TENM3: variants seen among roughly 807,000 people sequenced by gnomAD.
The protein encoded by TENM3 is teneurin-3.
In TENM3, 63 loss-of-function variants were observed where a neutral mutation model predicts 255.1. That is an observed-to-expected ratio of 0.25 (90% CI 0.20 to 0.30). The LOEUF (loss-of-function observed/expected upper bound fraction) is 0.30. TENM3 is among the 10% of genes least tolerant of loss of function. TENM3 has a pLI of 1.00. For missense variants in TENM3, 2,929 were observed against 3,461.1 expected, an observed-to-expected ratio of 0.85 and a Z score of 3.86; for synonymous variants, 1,306 against 1,322.3, an observed-to-expected ratio of 0.99 and a Z score of 0.27.
the TENM3 span, among the ~76,000 whole-genome samples, chr4:181,969,300 C>T: frequency 6.6e-6 from 1 of 152,096 alleles, no homozygotes; most frequent in East Asian, 1.9e-4. Context: ...CTGAAAAACA[C>T]TTTGAACCTT....
intron 1 of TENM3, among the ~76,000 whole-genome samples, chr4:182,195,037 A>T (rs994023919): frequency 1.3e-4 from 19 of 142,640 alleles, no homozygotes; most frequent in Admixed American, 6.3e-4. Context: ...ACACACACAC[A>T]CACACACACA....
the TENM3 span, among the ~76,000 whole-genome samples, chr4:181,854,654 G>A: frequency 6.6e-6 from 1 of 152,190 alleles, no homozygotes; most frequent in Non-Finnish European, 1.5e-5. Context: ...ACTTGGTAGT[G>A]TTCCATTACT....
chr4:182,382,749 C>A (rs1047008532), intron 3 of TENM3, among the ~76,000 whole-genome samples: 1 of 152,140 alleles, frequency 6.6e-6, no homozygotes, highest in Non-Finnish European at 1.5e-5. Context: ...AAGCCATAGG[C>A]CCCAAATTCC....
chr4:182,059,550 T>C, the TENM3 span, among the ~76,000 whole-genome samples: 1 of 151,846 alleles, frequency 6.6e-6, no homozygotes. Flanking sequence ...AGATACTGCA[T>C]ACAAATGCAC....
At position 182,753,567 on chromosome 4, in the gene TENM3, G is replaced by A; in HGVS notation, c.3980G>A (p.Arg1327Lys). 1 of 1,613,928 alleles carries A rather than the reference G, an allele frequency of 6.2e-7. No homozygotes were observed. The highest frequency in any genetic ancestry group is 8.5e-7 in the Non-Finnish European group (1 of 1,179,870). The change falls in exon 21 of 28, where the codon AGA (arginine) becomes AAA (lysine). Residue 1327 changes from arginine to lysine, a missense_variant. Arg to Lys is a conservative substitution (Grantham distance 26, BLOSUM62 2). Transcript: ENST00000511685. ...LLGSNDLTSA[R>K]PLTCDTSMHI... ...GGCTCTAACGATTTGACTTCAGCCA[G>A]ACCTTTAACTTGTGACACCAGCATG... is the stretch of plus-strand genomic sequence containing the variant.
At chr4:182,281,133 C>T (rs1760359317) in intron 1 of TENM3, among the ~76,000 whole-genome samples, 1 of 152,080 alleles carries the variant, frequency 6.6e-6, no homozygotes. Flanking sequence ...AGTTGTAAAG[C>T]TATCATTTTT....
chr4:181,502,997 T>C, the TENM3 span, among the ~76,000 whole-genome samples: 592 of 152,284 alleles, frequency 3.9e-3, 2 homozygotes, highest in African/African-American at 0.014. Context: ...CATTTACAGC[T>C]TCCCTTCTCT....
At chr4:182,588,887 A>G (rs1242692730) in intron 3 of TENM3, among the ~76,000 whole-genome samples, 1 of 152,192 alleles carries the variant, frequency 6.6e-6, no homozygotes, top group Non-Finnish European at 1.5e-5. Flanking sequence ...AGTGCTTGAC[A>G]TTTAGATTAA....
chr4:181,848,981 C>G, the TENM3 span, among the ~76,000 whole-genome samples: 2 of 152,140 alleles, frequency 1.3e-5, no homozygotes, highest in Non-Finnish European at 2.9e-5. Flanking sequence ...ATGTATAGAA[C>G]AACCCACACA....
chr4:182,390,906 C>T (rs540970900), intron 3 of TENM3, among the ~76,000 whole-genome samples: 5 of 152,238 alleles, frequency 3.3e-5, no homozygotes, highest in African/African-American at 9.6e-5. Context: ...ATGATGTCCA[C>T]GGCAGGGTTA....
chr4:181,635,188 G>C, the TENM3 span, among the ~76,000 whole-genome samples: 1 of 152,122 alleles, frequency 6.6e-6, no homozygotes, highest in Non-Finnish European at 1.5e-5. Context: ...AAACGAGAAA[G>C]TTGAAAAATG....
chr4:181,695,959 CTT>C, the TENM3 span, among the ~76,000 whole-genome samples: 1 of 151,502 alleles, frequency 6.6e-6, no homozygotes, highest in Non-Finnish European at 1.5e-5. Flanking sequence ...TAAAACAGCA[CTT>C]CCATGCAAGT....
chr4:182,452,063 G>A (rs895622514), intron 3 of TENM3, among the ~76,000 whole-genome samples: 2 of 152,016 alleles, frequency 1.3e-5, no homozygotes, highest in East Asian at 1.9e-4. Flanking sequence ...CTTTATTATG[G>A]ATTTCTTACT....
At chr4:181,587,755 G>A in the TENM3 span, among the ~76,000 whole-genome samples, 1 of 152,186 alleles carries the variant, frequency 6.6e-6, no homozygotes, top group African/African-American at 2.4e-5. Flanking sequence ...AATTACATCA[G>A]TAACTTCAAC....
intron 3 of TENM3, among the ~76,000 whole-genome samples, chr4:182,539,684 A>G (rs1238967443): frequency 6.6e-6 from 1 of 152,206 alleles, no homozygotes; most frequent in African/African-American, 2.4e-5. Context: ...CACAACTATT[A>G]ACTTCATTCC....
At chr4:182,311,612 T>G (rs1762450330) in intron 1 of TENM3, among the ~76,000 whole-genome samples, 1 of 152,160 alleles carries the variant, frequency 6.6e-6, no homozygotes, top group Non-Finnish European at 1.5e-5. Flanking sequence ...CATGCGAAAA[T>G]GGAGTTGATA....
In TENM3 at chr4:182,655,744, G is replaced by T. The variant is rs79127673; in HGVS notation, c.1111+1851G>T. On this transcript the variant is annotated intron_variant, in intron 6 of 27. Coordinates refer to ENST00000511685, the MANE Select transcript of TENM3 (RefSeq NM_001080477.4). ...CCATATTAATAGAAATCTCCGTAAA[G>T]CTGGAGTCCTTGAAAACAGTGGCTT... Among the ~76,000 whole-genome samples, 28 of 152,278 alleles carry T rather than the reference G, an allele frequency of 1.8e-4. 1 individual carries two copies. In the East Asian group the frequency reaches 5.4e-3, roughly 29 times the overall value.
At chr4:182,177,657 G>A (rs1752583672) in intron 1 of TENM3, among the ~76,000 whole-genome samples, 1 of 149,428 alleles carries the variant, frequency 6.7e-6, no homozygotes, top group Non-Finnish European at 1.5e-5. Flanking sequence ...CTTAAGTGAT[G>A]TTGCTTGTTG....
intron 1 of TENM3, among the ~76,000 whole-genome samples, chr4:182,207,311 A>G (rs1315064133): frequency 1.3e-5 from 2 of 152,184 alleles, no homozygotes; most frequent in African/African-American, 4.8e-5. Context: ...GAAAATGTAA[A>G]ACACTTATTT....
Sources: gnomAD v4.1 joint callset for allele counts (sites outside exome capture counted in the v4.1 genomes callset) on GRCh38, gnomAD v4.1.1 for gene constraint, MANE v1.5 for transcripts, NCBI Gene and HGNC (gene_info 2026-07-23, HGNC 2026-07-21) for gene names.